Variants in RIMS2 observed in about 807,000 individuals in gnomAD.
RIMS2 encodes regulating synaptic membrane exocytosis 2, also known as regulating synaptic membrane exocytosis protein 2.
In RIMS2, 59 loss-of-function variants were observed where a neutral mutation model predicts 174.4. That is an observed-to-expected ratio of 0.34 (90% CI 0.27 to 0.42). The LOEUF is 0.42. Among genes scored for constraint, RIMS2 ranks in the 10% least tolerant of loss-of-function variants. The probability of loss-of-function intolerance (pLI) is 1.00; values close to 1 mark genes in which losing one functional copy is unlikely to be tolerated. For synonymous variants in RIMS2, 606 were observed against 572.5 expected, an observed-to-expected ratio of 1.06 and a Z score of -0.84; for missense variants, 1,620 against 1,666.3, an observed-to-expected ratio of 0.97 and a Z score of 0.48.
chr8:104,099,791 T>A (rs1309195441), intron 19 of RIMS2, among the ~76,000 whole-genome samples: 3 of 151,794 alleles, frequency 2.0e-5, no homozygotes, highest in African/African-American at 7.3e-5. Context: ...CCCCATATGA[T>A]CGGCAGAAAA....
chr8:104,067,736 G>A (rs2097129778), intron 19 of RIMS2, among the ~76,000 whole-genome samples: 1 of 152,114 alleles, frequency 6.6e-6, no homozygotes, highest in African/African-American at 2.4e-5. Flanking sequence ...TCTAGGATTT[G>A]CTAACTGAAT....
chr8:103,875,089 C>G (rs1289246283), intron 3 of RIMS2, among the ~76,000 whole-genome samples: 1 of 151,958 alleles, frequency 6.6e-6, no homozygotes, highest in Non-Finnish European at 1.5e-5. Context: ...AGATTTACTT[C>G]AAGAGCAGAA....
intron 1 of RIMS2, among the ~76,000 whole-genome samples, chr8:103,544,448 C>T (rs1242457567): frequency 1.3e-5 from 2 of 152,240 alleles, no homozygotes; most frequent in Non-Finnish European, 2.9e-5. Flanking sequence ...GCTAGAGCTT[C>T]CAGCTTTGTG....
intron 22 of RIMS2, among the ~76,000 whole-genome samples, chr8:104,250,410 A>T (rs1437631596): frequency 1.3e-5 from 2 of 152,206 alleles, no homozygotes; most frequent in African/African-American, 2.4e-5. Flanking sequence ...ACTGGTGATT[A>T]AGACAGTTGT....
chr8:103,547,125 C>T (rs1239747822), intron 1 of RIMS2, among the ~76,000 whole-genome samples: 1 of 152,080 alleles, frequency 6.6e-6, no homozygotes, highest in Non-Finnish European at 1.5e-5. Flanking sequence ...TCATGAAATC[C>T]TAGGCCACTG....
At chr8:103,504,834 T>TTTTC (rs941694632) in intron 1 of RIMS2, among the ~76,000 whole-genome samples, 35 of 143,530 alleles carry the variant, frequency 2.4e-4, no homozygotes, top group South Asian at 6.6e-4. Flanking sequence ...CTTTCTTTTC[T>TTTTC]TTTCTTTCTT....
At chr8:103,666,916 T>C (rs1428916448) in intron 1 of RIMS2, among the ~76,000 whole-genome samples, 2 of 152,176 alleles carry the variant, frequency 1.3e-5, no homozygotes, top group Admixed American at 1.3e-4. Context: ...TGCATTTCTT[T>C]GAGTTTTTGT....
chr8:103,599,203 G>T (rs28497553), intron 1 of RIMS2, among the ~76,000 whole-genome samples: 1 of 151,130 alleles, frequency 6.6e-6, no homozygotes, highest in Non-Finnish European at 1.5e-5. Context: ...ATCTGTATTT[G>T]GATTTTATTC....
At chr8:103,536,711 G>C (rs957119654) in intron 1 of RIMS2, among the ~76,000 whole-genome samples, 36 of 152,222 alleles carry the variant, frequency 2.4e-4, no homozygotes, top group African/African-American at 8.4e-4. Flanking sequence ...ACCATCATGA[G>C]AACAGCACCA....
chr8:103,907,850 A>C (rs1198130419), intron 4 of RIMS2, among the ~76,000 whole-genome samples: 1 of 150,502 alleles, frequency 6.6e-6, no homozygotes, highest in Admixed American at 6.6e-5. Flanking sequence ...GGTTCACGCT[A>C]TTCTCCTGCC....
chr8:104,067,540 G>A (rs2097126713), intron 19 of RIMS2, among the ~76,000 whole-genome samples: 1 of 150,362 alleles, frequency 6.7e-6, no homozygotes, highest in African/African-American at 2.5e-5. Context: ...ATAAGCATGT[G>A]TCACCACACC....
At chr8:103,800,101 A>G (rs2098595933) in intron 3 of RIMS2, among the ~76,000 whole-genome samples, 1 of 152,146 alleles carries the variant, frequency 6.6e-6, no homozygotes, top group Admixed American at 6.5e-5. Context: ...CTATTCTCAC[A>G]TCACTGGTTT....
chr8:104,137,013 T>A (rs2098526503), intron 19 of RIMS2, among the ~76,000 whole-genome samples: 1 of 152,206 alleles, frequency 6.6e-6, no homozygotes, highest in Non-Finnish European at 1.5e-5. Flanking sequence ...CAAATTAGTC[T>A]ATGAAATTAA....
chr8:103,841,137 T>G (rs2098937291), intron 3 of RIMS2, among the ~76,000 whole-genome samples: 1 of 152,330 alleles, frequency 6.6e-6, no homozygotes, highest in East Asian at 1.9e-4. Context: ...TGAGCTCATC[T>G]AGGTCCTTAA....
chr8:104,174,207 A>C (rs144015963), intron 19 of RIMS2, among the ~76,000 whole-genome samples: 2,824 of 152,256 alleles, frequency 0.019, 93 homozygotes, highest in African/African-American at 0.065. Flanking sequence ...TCAGCCTCCC[A>C]AAGTGCAGGG....
At chr8:104,251,184 C>A (rs747458610) in intron 23 of RIMS2, 21 bp downstream of exon 29, 5 of 1,582,826 alleles carry the variant, frequency 3.2e-6, no homozygotes, top group Non-Finnish European at 4.3e-6. Flanking sequence ...AATTGTTTAT[C>A]CCTTACCTAA....
intron 1 of RIMS2, among the ~76,000 whole-genome samples, chr8:103,578,360 T>C (rs1191187463): frequency 6.6e-6 from 1 of 151,884 alleles, no homozygotes; most frequent in East Asian, 2.0e-4. Flanking sequence ...TGAAACCCCA[T>C]CTCTGCTAAA....
At chr8:104,029,329 C>T (rs1405228466) in intron 19 of RIMS2, among the ~76,000 whole-genome samples, 1 of 152,154 alleles carries the variant, frequency 6.6e-6, no homozygotes. Flanking sequence ...CAGCAAATCT[C>T]AGCCTTATTT....
chr8:104,105,231 C>A (rs1325848618), intron 19 of RIMS2, among the ~76,000 whole-genome samples: 1 of 151,960 alleles, frequency 6.6e-6, no homozygotes, highest in Non-Finnish European at 1.5e-5. Flanking sequence ...GTTAGCATAG[C>A]CAGTTGTCAT....
Sources: gnomAD v4.1 joint callset for allele counts (sites outside exome capture counted in the v4.1 genomes callset) on GRCh38, gnomAD v4.1.1 for gene constraint, MANE v1.5 for transcripts, NCBI Gene and HGNC (gene_info 2026-07-23, HGNC 2026-07-21) for gene names.